Variants in MYO10 observed in about 807,000 individuals in gnomAD.
MYO10 encodes the protein unconventional myosin-X.
Under a neutral mutation model 257.3 loss-of-function variants are expected in MYO10, and 133 were observed. The ratio of observed to expected loss-of-function variants is 0.52; its 90% CI spans 0.45 to 0.60. MYO10 has a LOEUF of 0.60. Among genes scored for constraint, MYO10 ranks in the 20% least tolerant of loss-of-function variants. The pLI is 0.00. For synonymous variants in MYO10, 1,104 were observed against 1,028.6 expected (o/e 1.07, Z -1.40); for missense variants, 2,399 against 2,635.7 (o/e 0.91, Z 1.97).
chr5:16,787,127 T>G (rs2052837), intron 4 of MYO10, among the ~76,000 whole-genome samples: 1 of 151,938 alleles, frequency 6.6e-6, no homozygotes, highest in African/African-American at 2.4e-5. Context: ...AGAGATTGCA[T>G]CACTGCACTC....
Position 16,719,538 on chromosome 5 carries a change from G to A in MYO10, c.1930-8293C>T, listed in dbSNP as rs567767010. 2.6e-5 allele frequency among the ~76,000 whole-genome samples: 4 copies of A among 152,320 alleles called. No homozygotes were observed. In the South Asian group the frequency reaches 8.3e-4, roughly 32 times the overall value. ...ACTCCTTGGGTGCTTCTGAATACAT[G>A]TTATAATTTATTTCTAGAGTGGATC... On this transcript the variant is annotated intron_variant, in intron 19 of 40. Coordinates refer to ENST00000513610, the MANE Select transcript of MYO10 (RefSeq NM_012334.3).
chr5:16,766,021 T>C (rs1032015907), intron 11 of MYO10, 59 bp downstream of exon 11: 12 of 1,191,752 alleles, frequency 1.0e-5, no homozygotes, highest in African/African-American at 4.5e-5. Flanking sequence ...ATCAAACCTA[T>C]GGATCTGAAA....
At chr5:16,743,285 T>TGC (rs1433010143) in intron 19 of MYO10, among the ~76,000 whole-genome samples, 1 of 152,192 alleles carries the variant, frequency 6.6e-6, no homozygotes, top group African/African-American at 2.4e-5. Flanking sequence ...TTGATGCTTC[T>TGC]GCCCTCTCTA....
At position 16,663,847 on chromosome 5, in the gene MYO10, C is replaced by T. The variant is rs182655389; in HGVS notation, c.*2845G>A. Reference sequence around the variant, plus strand: ...CAGGTTCTATGCAAATATTATACCACTGTATAGCAGGGACTTGAGCATCTG... The same window carrying T: ...CAGGTTCTATGCAAATATTATACCATTGTATAGCAGGGACTTGAGCATCTG... On this transcript the variant is annotated 3_prime_UTR_variant, in exon 41 of 41. Coordinates refer to ENST00000513610, the MANE Select transcript of MYO10 (RefSeq NM_012334.3). The T allele has an allele frequency of 4.4e-5, 6 of 135,716 alleles. No homozygotes were observed. The East Asian group carries it at 1.3e-3, about 29-fold the overall frequency. 8.4% of individuals were successfully genotyped at this position (135,716 alleles called of 1,614,324 possible). A position where few individuals can be genotyped will look rare whatever the true frequency, so the allele number is the denominator to read the frequency against.
chr5:16,871,269 GCTTGATC>G (rs879609575), intron 2 of MYO10, among the ~76,000 whole-genome samples: 4 of 152,142 alleles, frequency 2.6e-5, no homozygotes, highest in Non-Finnish European at 1.5e-5. Context: ...CCAAGGACAG[GCTTGATC>G]AAGGACAAGA....
chr5:16,854,263 A>G (rs1743897143), intron 2 of MYO10: 1 of 152,200 alleles, frequency 6.6e-6, no homozygotes, highest in East Asian at 1.9e-4. Flanking sequence ...ATGGCTAGCT[A>G]TATTTCTTCT....
At chr5:16,915,954 G>A (rs1745803279) in intron 1 of MYO10, 3 of 385,086 alleles carry the variant, frequency 7.8e-6, no homozygotes, top group South Asian at 1.6e-5. Context: ...GAGACTCTAC[G>A]TCAAAAAGAA....
chr5:16,738,614 C>T (rs1339267453), intron 19 of MYO10, among the ~76,000 whole-genome samples: 1 of 151,836 alleles, frequency 6.6e-6, no homozygotes, highest in Non-Finnish European at 1.5e-5. Context: ...AAAAAGAGGC[C>T]GAGCATGGTG....
Position 16,935,923 on chromosome 5 carries a change from C to G in MYO10, c.-115G>C. ...GGCGCCACTCCCGAGGACGCGCGCC[C>G]GCGGGGCTCCCCTGCTGCCATCGCC... On this transcript the variant is annotated 5_prime_UTR_variant, in exon 1 of 41. Coordinates refer to ENST00000513610, the MANE Select transcript of MYO10 (RefSeq NM_012334.3). The G allele has an allele frequency of 9.2e-6, 12 of 1,308,348 alleles. No homozygotes were observed. In the South Asian group the frequency reaches 1.6e-4, roughly 17 times the overall value. The allele number at this position is 1,308,348 out of a possible 1,614,324, so 81.0% of individuals were successfully genotyped here. A position where few individuals can be genotyped will look rare whatever the true frequency, so the allele number is the denominator to read the frequency against.
intron 19 of MYO10, among the ~76,000 whole-genome samples, chr5:16,748,625 G>GGAGAGAGA (rs1553991963): frequency 1.0e-5 from 1 of 95,446 alleles, no homozygotes; most frequent in African/African-American, 6.0e-5. Flanking sequence ...AGGGAGAGAG[G>GGAGAGAGA]GAGGGAGGGA....
chr5:16,701,988 C>A lies in MYO10; in HGVS notation c.2557-150G>T. ...GGTTGAAGTCCTAACCCCAATACTG[C>A]AGAATGTGACTGCATTTGGAGATAC... On this transcript the variant is annotated intron_variant, in intron 24 of 40. Transcript: ENST00000513610. The surrounding 1 kb of genome is among the most constrained non-coding windows in gnomAD (Gnocchi z 8.1). 1.2e-6 allele frequency: 1 copy of A among 869,074 alleles called. No individual in the cohort carries two copies. Among genetic ancestry groups the A allele is most frequent in the Non-Finnish European group, 1.7e-6 (1 of 587,680 alleles). The allele number at this position is 869,074 out of a possible 1,614,324, so 53.8% of individuals were successfully genotyped here.
chr5:16,790,692 T>A (rs1187374125), intron 4 of MYO10, among the ~76,000 whole-genome samples: 1 of 152,164 alleles, frequency 6.6e-6, no homozygotes, highest in Non-Finnish European at 1.5e-5. Flanking sequence ...GTAACTCCAA[T>A]TAAACCTCTT....
Position 16,699,502 on chromosome 5 carries a change from A to G in MYO10, c.3504T>C (p.Ser1168=), listed in dbSNP as rs991551330. The G allele has an allele frequency of 1.2e-6, 2 of 1,613,782 alleles. No homozygotes were observed. Among genetic ancestry groups the G allele is most frequent in the African/African-American group, 2.7e-5 (2 of 74,896 alleles). Residue 1168 remains serine, a synonymous_variant, in exon 26 of 41, where the codon TCT becomes TCC. Coordinates refer to ENST00000513610, the MANE Select transcript of MYO10 (RefSeq NM_012334.3). The stretch of plus-strand genomic sequence containing the variant: ...ACGGCAGAGTGACACAGCTGTACAC[A>G]GAGTCACGCCGGTATGAAAGCTCAT... The part of the protein sequence containing the change: ...TDDELSYRRD[S]VYSCVTLPYF...
chr5:16,749,463 G>A (rs894458181), intron 19 of MYO10, among the ~76,000 whole-genome samples: 2 of 150,574 alleles, frequency 1.3e-5, no homozygotes, highest in African/African-American at 4.9e-5. Context: ...CTCCAGCCTG[G>A]GTGACAGAGA....
At chr5:16,699,785 TCAA>T in intron 25 of MYO10, 1 of 56,224 alleles carries the variant, frequency 1.8e-5, no homozygotes. Context: ...AGCCTCAGTC[TCAA>T]AAAAAAAAAA....
intron 2 of MYO10, among the ~76,000 whole-genome samples, chr5:16,842,923 A>G (rs879478917): frequency 1.4e-5 from 2 of 146,992 alleles, no homozygotes; most frequent in South Asian, 2.2e-4. Flanking sequence ...AAAAAAGAAA[A>G]AGGAAAAAAA....
rs1470259651 is a variant in MYO10, at chr5:16,936,091, C to A, written c.-283G>T. On this transcript the variant is annotated 5_prime_UTR_variant, in exon 1 of 41. Transcript: ENST00000513610. ...CTCGCAAGCGGAGAACAGCTGGTGG[C>A]ACATTCTTCCCCCAGGCGGGGGAAG... 1 of 457,084 alleles carries A rather than the reference C, an allele frequency of 2.2e-6. No homozygotes were observed. The highest frequency in any genetic ancestry group is 3.9e-6 in the Non-Finnish European group (1 of 256,538). The allele number at this position is 457,084 out of a possible 1,614,324, so 28.3% of individuals were successfully genotyped here.
At chr5:16,670,472 T>C in intron 39 of MYO10, 54 bp downstream of exon 39, 1 of 1,461,962 alleles carries the variant, frequency 6.8e-7, no homozygotes, top group Non-Finnish European at 9.3e-7. Context: ...CCGTGATCCA[T>C]GTTCTCAGAT....
chr5:16,685,212 T>C (rs1737193075), intron 29 of MYO10, among the ~76,000 whole-genome samples: 1 of 152,118 alleles, frequency 6.6e-6, no homozygotes, highest in Admixed American at 6.6e-5. Context: ...TTCTGTAATT[T>C]ATTCGTTTTT....
Sources: allele counts gnomAD v4.1 joint callset (sites outside exome capture counted in the v4.1 genomes callset), GRCh38; gene constraint gnomAD v4.1.1; non-coding constraint Gnocchi (gnomAD v3.1); transcripts MANE v1.5; gene names NCBI Gene and HGNC (gene_info 2026-07-23, HGNC 2026-07-21).